The following FRMD4A variants were observed in gnomAD, a reference collection of about 807,000 sequenced individuals.
FRMD4A encodes the protein FERM domain containing 4A, also known as FERM domain-containing protein 4A.
Under a neutral mutation model 129.1 loss-of-function variants are expected in FRMD4A, and 29 were observed. The observed-to-expected ratio is 0.22, with a 90% CI of 0.17 to 0.31. The LOEUF is 0.31. Among genes scored for constraint, FRMD4A ranks in the 10% least tolerant of loss-of-function variants. The probability of loss-of-function intolerance (pLI) is 1.00; values close to 1 mark genes in which losing one functional copy is unlikely to be tolerated. For missense variants in FRMD4A, 1,272 were observed against 1,375.8 expected, an observed-to-expected ratio of 0.92 and a Z score of 1.19; for synonymous variants, 634 against 571.6, an observed-to-expected ratio of 1.11 and a Z score of -1.56.
chr10:13,680,535 G>A (rs992304456), intron 15 of FRMD4A, among the ~76,000 whole-genome samples: 13 of 152,204 alleles, frequency 8.5e-5, no homozygotes, highest in South Asian at 2.1e-4. Context: ...GACCAGCCTG[G>A]CCAACATGGC....
intron 2 of FRMD4A, among the ~76,000 whole-genome samples, chr10:13,999,862 A>G (rs1056536916): frequency 2.0e-5 from 3 of 152,230 alleles, no homozygotes; most frequent in Admixed American, 1.3e-4. Flanking sequence ...TCGTCTGCAT[A>G]CAAGCACAGG....
At position 13,935,971 on chromosome 10, in the gene FRMD4A, T is replaced by C. The variant is rs145836962; in HGVS notation, c.46-77059A>G. 1.7e-3 allele frequency among the ~76,000 whole-genome samples: 260 copies of C among 152,328 alleles called. 2 individuals are homozygous for C. Among genetic ancestry groups the C allele is most frequent in the African/African-American group, 6.0e-3 (250 of 41,566 alleles). ...CTTTGTCCCCCTTCAGCTGCCATGG[T>C]AGATTTGTATAACTAAAGGGAAATG... On this transcript the variant is annotated intron_variant, in intron 2 of 24. Coordinates refer to ENST00000357447, the MANE Select transcript of FRMD4A (RefSeq NM_018027.5).
chr10:14,163,427 A>C (rs1372044468), intron 2 of FRMD4A, among the ~76,000 whole-genome samples: 1 of 152,264 alleles, frequency 6.6e-6, no homozygotes, highest in Non-Finnish European at 1.5e-5. Context: ...CATCACACTC[A>C]GTGAAAAGTA....
chr10:13,960,074 A>G (rs2095437095), intron 2 of FRMD4A, among the ~76,000 whole-genome samples: 1 of 152,146 alleles, frequency 6.6e-6, no homozygotes, highest in Non-Finnish European at 1.5e-5. Flanking sequence ...GGGAAGAGAG[A>G]ATACAGGGCT....
At chr10:13,670,177 G>A (rs961333336) in intron 17 of FRMD4A, among the ~76,000 whole-genome samples, 9 of 152,160 alleles carry the variant, frequency 5.9e-5, no homozygotes, top group Non-Finnish European at 8.8e-5. Flanking sequence ...GACCCACAGC[G>A]TCAGACAAGC....
At chr10:13,937,237 C>A (rs2095256090) in intron 2 of FRMD4A, among the ~76,000 whole-genome samples, 1 of 152,204 alleles carries the variant, frequency 6.6e-6, no homozygotes, top group African/African-American at 2.4e-5. Context: ...ATAACAGCAA[C>A]CCTCAGGTGG....
intron 2 of FRMD4A, among the ~76,000 whole-genome samples, chr10:14,185,443 T>G (rs143469146): frequency 5.3e-5 from 8 of 152,238 alleles, no homozygotes; most frequent in Admixed American, 1.3e-4. Context: ...CAGATGAGGA[T>G]GTCGTGGCAG....
At chr10:14,175,179 C>G (rs1168883260) in intron 2 of FRMD4A, among the ~76,000 whole-genome samples, 1 of 152,190 alleles carries the variant, frequency 6.6e-6, no homozygotes, top group African/African-American at 2.4e-5. Context: ...TATGCCATCA[C>G]CAAGGGGCCA....
At chr10:14,238,792 T>G (rs762063103) in intron 2 of FRMD4A, among the ~76,000 whole-genome samples, 45 of 152,332 alleles carry the variant, frequency 3.0e-4, no homozygotes, top group Admixed American at 1.4e-3. Context: ...TGTTTGGTTT[T>G]CTGTTCCTGT....
chr10:14,310,031 G>A (rs1036447016), intron 2 of FRMD4A, among the ~76,000 whole-genome samples: 2 of 151,990 alleles, frequency 1.3e-5, no homozygotes, highest in Non-Finnish European at 2.9e-5. Flanking sequence ...CAGTGCTGGG[G>A]TGCTGCTCTC....
chr10:14,035,413 AAAAC>A (rs1286479385), intron 2 of FRMD4A, among the ~76,000 whole-genome samples: 1 of 145,784 alleles, frequency 6.9e-6, no homozygotes. Context: ...CTCCATCTCA[AAAAC>A]AAACAAATAA....
chr10:13,682,030 G>T (rs2084641383), intron 15 of FRMD4A, among the ~76,000 whole-genome samples: 5 of 151,698 alleles, frequency 3.3e-5, no homozygotes, highest in Admixed American at 3.3e-4. Context: ...GACCATCTTG[G>T]GCAACATAGC....
At chr10:14,113,773 C>T (rs1202983330) in intron 2 of FRMD4A, among the ~76,000 whole-genome samples, 2 of 152,012 alleles carry the variant, frequency 1.3e-5, no homozygotes, top group South Asian at 2.1e-4. Flanking sequence ...CATGAGTGTG[C>T]GCGCGCGTGT....
At chr10:13,675,179 T>TG (rs1391189129) in intron 15 of FRMD4A, 135 bp from the exon 16 acceptor site, 28 of 729,690 alleles carry the variant, frequency 3.8e-5, no homozygotes, top group Non-Finnish European at 6.3e-5. Flanking sequence ...ATAAAACAGG[T>TG]GCTCAGCACT....
chr10:13,812,557 G>C (rs2093467195), intron 3 of FRMD4A, among the ~76,000 whole-genome samples: 1 of 152,228 alleles, frequency 6.6e-6, no homozygotes. Context: ...TAAGCAAGGT[G>C]CAGCACAGGC....
intron 2 of FRMD4A, among the ~76,000 whole-genome samples, chr10:13,946,833 C>T (rs1022773693): frequency 2.6e-5 from 4 of 152,158 alleles, no homozygotes; most frequent in African/African-American, 9.7e-5. Flanking sequence ...GATGCCTGTC[C>T]TATACCTGGC....
intron 2 of FRMD4A, among the ~76,000 whole-genome samples, chr10:14,242,044 C>G (rs528806134): frequency 6.6e-6 from 1 of 152,198 alleles, no homozygotes; most frequent in East Asian, 1.9e-4. Flanking sequence ...TGGAGGAGGA[C>G]CTGTTGCCTA....
At chr10:13,991,233 G>A (rs1431236506) in intron 2 of FRMD4A, among the ~76,000 whole-genome samples, 2 of 152,192 alleles carry the variant, frequency 1.3e-5, no homozygotes, top group Admixed American at 6.5e-5. Context: ...AAGAAGCGTA[G>A]AGTGAAAAGG....
intron 2 of FRMD4A, among the ~76,000 whole-genome samples, chr10:14,171,694 T>C (rs1326453418): frequency 2.0e-5 from 3 of 152,262 alleles, no homozygotes; most frequent in Non-Finnish European, 4.4e-5. Context: ...GTTAAGTCCA[T>C]TACATGGTGT....
Sources: allele counts gnomAD v4.1 joint callset (sites outside exome capture counted in the v4.1 genomes callset), GRCh38; gene constraint gnomAD v4.1.1; transcripts MANE v1.5; gene names NCBI Gene and HGNC (gene_info 2026-07-23, HGNC 2026-07-21).